FCHSD2: variants seen among roughly 807,000 people sequenced by gnomAD.
FCHSD2 encodes the protein F-BAR and double SH3 domains protein 2.
FCHSD2 carries 38 observed loss-of-function variants against 108.1 expected under a neutral mutation model. The observed-to-expected ratio is 0.35, with a 90% CI of 0.27 to 0.46. FCHSD2 has a LOEUF of 0.46. FCHSD2 is among the 20% of genes least tolerant of loss of function. The pLI, the probability that FCHSD2 is intolerant of heterozygous loss-of-function variation, is 1.00. For synonymous variants in FCHSD2, 279 were observed against 314.7 expected, an observed-to-expected ratio of 0.89 and a Z score of 1.20; for missense variants, 751 against 897.8, an observed-to-expected ratio of 0.84 and a Z score of 2.09.
intron 8 of FCHSD2, among the ~76,000 whole-genome samples, chr11:72,937,823 T>A (rs1377738850): frequency 6.6e-6 from 1 of 152,208 alleles, no homozygotes; most frequent in Non-Finnish European, 1.5e-5. Context: ...ACATGAGGTT[T>A]AAAAATGATT....
At chr11:72,878,406 T>C (rs1374486149) in intron 12 of FCHSD2, among the ~76,000 whole-genome samples, 2 of 152,010 alleles carry the variant, frequency 1.3e-5, no homozygotes, top group Admixed American at 6.6e-5. Context: ...AAAAAGAAAA[T>C]GACACTTAGA....
intron 9 of FCHSD2, among the ~76,000 whole-genome samples, chr11:72,921,053 C>T (rs1379093233): frequency 6.6e-6 from 1 of 151,732 alleles, no homozygotes; most frequent in Non-Finnish European, 1.5e-5. Flanking sequence ...AAAGTATTAG[C>T]CAGTTCTCAC....
intron 2 of FCHSD2, among the ~76,000 whole-genome samples, chr11:73,118,006 A>G (rs1860643571): frequency 1.3e-5 from 2 of 152,118 alleles, no homozygotes; most frequent in Admixed American, 6.6e-5. Context: ...TACCTATGAA[A>G]CCCAAATCCC....
intron 10 of FCHSD2, among the ~76,000 whole-genome samples, chr11:72,890,548 AG>A (rs1855293055): frequency 6.6e-6 from 1 of 152,220 alleles, no homozygotes; most frequent in Non-Finnish European, 1.5e-5. Flanking sequence ...ATGATCACCA[AG>A]GGTTTCTTCT....
At chr11:72,846,950 G>C (rs1293855112) in intron 14 of FCHSD2, among the ~76,000 whole-genome samples, 1 of 152,122 alleles carries the variant, frequency 6.6e-6, no homozygotes, top group Admixed American at 6.5e-5. Context: ...TATAGTATAT[G>C]AATGTCTAGT....
intron 2 of FCHSD2, among the ~76,000 whole-genome samples, chr11:73,106,387 C>G (rs185923904): frequency 1.6e-4 from 21 of 128,792 alleles, no homozygotes; most frequent in African/African-American, 6.2e-4. Flanking sequence ...CCCTGGGTGA[C>G]AGAATGAGAC....
rs765717422 is a variant in FCHSD2 at position 72,843,337 on chromosome 11, A to G, written c.1528-9T>C. The stretch of plus-strand genomic sequence containing the variant: ...CCAACTTTATTTCGAGCCTGGGTAA[A>G]AGACATGTGACAAAACAAGTTTACA... On this transcript the variant is annotated splice_polypyrimidine_tract_variant and intron_variant, in intron 15 of 19. Transcript: ENST00000409418. The G allele has an allele frequency of 1.2e-6, 2 of 1,610,196 alleles. No individual in the cohort carries two copies. Among genetic ancestry groups the G allele is most frequent in the East Asian group, 4.5e-5 (2 of 44,804 alleles).
chr11:73,002,483 C>T (rs1857645874), intron 4 of FCHSD2, among the ~76,000 whole-genome samples: 1 of 152,244 alleles, frequency 6.6e-6, no homozygotes, highest in Middle Eastern at 3.4e-3. Context: ...TCACCACAGG[C>T]TCTCCCTCCT....
At chr11:72,965,296 T>G (rs1456335984) in intron 8 of FCHSD2, among the ~76,000 whole-genome samples, 1 of 152,200 alleles carries the variant, frequency 6.6e-6, no homozygotes, top group African/African-American at 2.4e-5. Context: ...CTTGGAAAGT[T>G]CTCCATTTGC....
chr11:72,942,198 G>A (rs1483624523), intron 8 of FCHSD2, among the ~76,000 whole-genome samples: 1 of 152,158 alleles, frequency 6.6e-6, no homozygotes, highest in South Asian at 2.1e-4. Context: ...ACTAGAGCTG[G>A]CTGTTTAAAA....
chr11:72,860,642 C>G (rs1291901890), intron 13 of FCHSD2, among the ~76,000 whole-genome samples: 1 of 151,962 alleles, frequency 6.6e-6, no homozygotes, highest in Non-Finnish European at 1.5e-5. Context: ...CTCAGGAGTT[C>G]TAGACCAGCG....
chr11:73,105,439 T>C (rs1860320769), intron 2 of FCHSD2, among the ~76,000 whole-genome samples: 1 of 152,164 alleles, frequency 6.6e-6, no homozygotes, highest in Non-Finnish European at 1.5e-5. Flanking sequence ...TTTGGTAACA[T>C]TACTTTCCTA....
At chr11:73,130,225 G>C in intron 2 of FCHSD2, among the ~76,000 whole-genome samples, 1 of 151,810 alleles carries the variant, frequency 6.6e-6, no homozygotes, top group Non-Finnish European at 1.5e-5. Flanking sequence ...ACCAGGGGAA[G>C]GTAAAGTATA....
At chr11:72,852,835 T>C (rs1861326080) in intron 13 of FCHSD2, among the ~76,000 whole-genome samples, 1 of 152,222 alleles carries the variant, frequency 6.6e-6, no homozygotes, top group African/African-American at 2.4e-5. Flanking sequence ...TGATGTCTTC[T>C]GTAGGAACAT....
chr11:73,059,563 G>T (rs1338038066), intron 3 of FCHSD2, among the ~76,000 whole-genome samples: 2 of 152,088 alleles, frequency 1.3e-5, no homozygotes, highest in Non-Finnish European at 2.9e-5. Context: ...TTATTTTGCT[G>T]AAGGTCAACC....
chr11:73,026,909 A>G (rs954864673), intron 3 of FCHSD2, among the ~76,000 whole-genome samples: 2 of 152,126 alleles, frequency 1.3e-5, no homozygotes, highest in African/African-American at 4.8e-5. Flanking sequence ...TTTGCCTTCT[A>G]CCATGATTTT....
chr11:73,107,006 C>T (rs905756027), intron 2 of FCHSD2, among the ~76,000 whole-genome samples: 1 of 152,012 alleles, frequency 6.6e-6, no homozygotes, highest in African/African-American at 2.4e-5. Flanking sequence ...AAGCCCACTT[C>T]ACATCTCTAT....
chr11:72,983,454 C>T (rs981774535), intron 8 of FCHSD2, among the ~76,000 whole-genome samples: 4 of 151,888 alleles, frequency 2.6e-5, no homozygotes, highest in Non-Finnish European at 4.4e-5. Context: ...GACAACAGAG[C>T]GAGACCTTGT....
chr11:72,888,030 A>G (rs1257050419), intron 11 of FCHSD2, among the ~76,000 whole-genome samples: 1 of 152,232 alleles, frequency 6.6e-6, no homozygotes, highest in African/African-American at 2.4e-5. Context: ...GCAAGGCCCA[A>G]TGTTGAAGAT....
Sources: allele counts gnomAD v4.1 joint callset (sites outside exome capture counted in the v4.1 genomes callset), GRCh38; gene constraint gnomAD v4.1.1; transcripts MANE v1.5; gene names NCBI Gene and HGNC (gene_info 2026-07-23, HGNC 2026-07-21).